The following RSU1 variants were observed in gnomAD, a reference collection of about 807,000 sequenced individuals.
RSU1 encodes the protein rsu-1.
RSU1 carries 26 observed loss-of-function variants against 31.1 expected under a neutral mutation model. The ratio of observed to expected loss-of-function variants is 0.84; its 90% CI spans 0.61 to 1.16. The LOEUF is 1.16. Ranked by LOEUF, RSU1 falls within the 50% of genes most tolerant of loss-of-function variation. The pLI, the probability that RSU1 is intolerant of heterozygous loss-of-function variation, is 0.00. For synonymous variants in RSU1, 164 were observed against 136.3 expected (o/e 1.20, Z -1.41); for missense variants, 320 against 339.1 (o/e 0.94, Z 0.44).
At chr10:16,646,828 C>A (rs182644993) in intron 8 of RSU1, among the ~76,000 whole-genome samples, 16 of 152,202 alleles carry the variant, frequency 1.1e-4, no homozygotes, top group Non-Finnish European at 2.4e-4. Context: ...AAAACCACAA[C>A]GAGACATCAC....
chr10:16,652,538 G>T (rs1299573353), intron 8 of RSU1, among the ~76,000 whole-genome samples: 1 of 151,826 alleles, frequency 6.6e-6, no homozygotes, highest in East Asian at 1.9e-4. Context: ...AAAACTCAGG[G>T]AACTATATTA....
At chr10:16,785,499 T>TAC (rs1554774682) in intron 2 of RSU1, among the ~76,000 whole-genome samples, 6 of 123,066 alleles carry the variant, frequency 4.9e-5, no homozygotes, top group African/African-American at 2.2e-4. Flanking sequence ...CATATATATA[T>TAC]ACACATATAT....
intron 8 of RSU1, among the ~76,000 whole-genome samples, chr10:16,674,400 T>A (rs888711118): frequency 1.5e-5 from 1 of 68,002 alleles, no homozygotes. Context: ...TCACGGAAGG[T>A]TTTTTTTTTT....
rs558906093 is a variant in RSU1 at position 16,650,181 on chromosome 10, C to G, written c.731+44842G>C. Among the ~76,000 whole-genome samples the G allele has an allele frequency of 1.3e-4, 20 of 152,316 alleles. No individual in the cohort carries two copies. In the East Asian group the frequency reaches 3.9e-3, roughly 29 times the overall value. ...CATGTCCATTCTGTAAAAGCTGAGA[C>G]TATCTCTAGCTCACTGAGAGGTTAT... On this transcript the variant is annotated intron_variant, in intron 8 of 8. Coordinates refer to ENST00000345264, the MANE Select transcript of RSU1 (RefSeq NM_012425.4).
At chr10:16,764,566 T>C (rs757177271) in intron 3 of RSU1, 56 bp from the exon 4 acceptor site, 49 of 1,559,886 alleles carry the variant, frequency 3.1e-5, no homozygotes, top group Non-Finnish European at 4.1e-5. Context: ...TAGCAAGGGA[T>C]GGCAGCGGCA....
At chr10:16,661,304 G>C (rs1834886373) in intron 8 of RSU1, among the ~76,000 whole-genome samples, 1 of 151,212 alleles carries the variant, frequency 6.6e-6, no homozygotes, top group Admixed American at 6.6e-5. Flanking sequence ...GTGTGTGTGT[G>C]TGTGTGTGTG....
chr10:16,610,151 G>A (rs1412706599), intron 8 of RSU1, among the ~76,000 whole-genome samples: 1 of 152,114 alleles, frequency 6.6e-6, no homozygotes, highest in African/African-American at 2.4e-5. Context: ...TAAATTTAAT[G>A]ATTTTTTGAG....
At chr10:16,647,400 A>G (rs943818257) in intron 8 of RSU1, among the ~76,000 whole-genome samples, 2 of 152,234 alleles carry the variant, frequency 1.3e-5, no homozygotes, top group African/African-American at 2.4e-5. Context: ...ACTCCTAGGT[A>G]CACGCCCAAG....
intron 8 of RSU1, among the ~76,000 whole-genome samples, chr10:16,646,222 TAGG>T (rs1183790117): frequency 6.6e-6 from 1 of 151,674 alleles, no homozygotes; most frequent in African/African-American, 2.4e-5. Context: ...TTCTGAGTGA[TAGG>T]AGAAAGCCCG....
chr10:16,648,572 C>T (rs6602141), intron 8 of RSU1, among the ~76,000 whole-genome samples: 95,778 of 151,894 alleles, frequency 0.63, 31,055 homozygotes, highest in African/African-American at 0.8. Context: ...AAGGGGACAA[C>T]AGTGAAGAAG....
chr10:16,769,344 T>G (rs1437893184), intron 3 of RSU1, among the ~76,000 whole-genome samples: 1 of 152,254 alleles, frequency 6.6e-6, no homozygotes, highest in African/African-American at 2.4e-5. Flanking sequence ...AAATCTAGAT[T>G]AATCAAAATT....
intron 7 of RSU1, among the ~76,000 whole-genome samples, chr10:16,733,106 T>C (rs1588500906): frequency 6.6e-6 from 1 of 152,274 alleles, no homozygotes; most frequent in African/African-American, 2.4e-5. Context: ...TCAGCCATCA[T>C]CATTACTAGG....
At chr10:16,728,403 C>A (rs1228630294) in intron 7 of RSU1, among the ~76,000 whole-genome samples, 1 of 152,148 alleles carries the variant, frequency 6.6e-6, no homozygotes, top group Admixed American at 6.6e-5. Flanking sequence ...CTTCATCATA[C>A]CCAGACCCAA....
intron 8 of RSU1, among the ~76,000 whole-genome samples, chr10:16,639,542 G>A (rs1488173262): frequency 1.3e-5 from 2 of 152,198 alleles, no homozygotes; most frequent in African/African-American, 2.4e-5. Context: ...CACAGAACTG[G>A]AGGGGAATAA....
At chr10:16,598,192 G>T (rs1213407936) in intron 8 of RSU1, among the ~76,000 whole-genome samples, 1 of 152,186 alleles carries the variant, frequency 6.6e-6, no homozygotes. Context: ...GCTGGGAAGA[G>T]AATCCTGGAT....
At chr10:16,682,760 G>A (rs887519603) in intron 8 of RSU1, among the ~76,000 whole-genome samples, 1 of 151,914 alleles carries the variant, frequency 6.6e-6, no homozygotes, top group Non-Finnish European at 1.5e-5. Flanking sequence ...GGTCTGGATC[G>A]GGACCCCTTT....
At chr10:16,604,618 G>C (rs906656935) in intron 8 of RSU1, among the ~76,000 whole-genome samples, 10 of 152,170 alleles carry the variant, frequency 6.6e-5, no homozygotes, top group African/African-American at 2.4e-4. Flanking sequence ...TGCCTGGAAT[G>C]CTCATCTCAA....
Position 16,673,848 on chromosome 10 carries a change from C to G in RSU1, c.731+21175G>C, listed in dbSNP as rs115939087. Reference sequence around the variant, plus strand: ...CTAAGTACTTTTTCTGACTTGCCAACGTAACCCGCACATATTTTAAGGGCT... The same window carrying G: ...CTAAGTACTTTTTCTGACTTGCCAAGGTAACCCGCACATATTTTAAGGGCT... On this transcript the variant is annotated intron_variant, in intron 8 of 8. Transcript: ENST00000345264. 3.9e-5 allele frequency among the ~76,000 whole-genome samples: 6 copies of G among 152,298 alleles called. No homozygotes were observed. In the East Asian group the frequency reaches 9.7e-4, roughly 25 times the overall value.
At chr10:16,776,659 A>C (rs1021339722) in intron 3 of RSU1, among the ~76,000 whole-genome samples, 2 of 152,156 alleles carry the variant, frequency 1.3e-5, no homozygotes, top group Non-Finnish European at 2.9e-5. Flanking sequence ...GTATAAAACT[A>C]AACAATTACA....
Sources: allele counts gnomAD v4.1 joint callset (sites outside exome capture counted in the v4.1 genomes callset), GRCh38; gene constraint gnomAD v4.1.1; transcripts MANE v1.5; gene names NCBI Gene and HGNC (gene_info 2026-07-23, HGNC 2026-07-21).